The following MARK3 variants were observed in gnomAD, a reference collection of about 807,000 sequenced individuals.
MARK3 encodes the protein MAP/microtubule affinity-regulating kinase 3.
A neutral mutation model predicts 90.1 loss-of-function variants in MARK3; 46 were observed. The observed-to-expected ratio is 0.51, with a 90% CI of 0.40 to 0.65. The LOEUF (loss-of-function observed/expected upper bound fraction) is 0.65, where lower values mean the gene tolerates loss of function less well. Among genes scored for constraint, MARK3 ranks in the 30% least tolerant of loss-of-function variants. MARK3 has a pLI of 0.00. For missense variants in MARK3, 818 were observed against 947.2 expected (o/e 0.86, Z 1.79); for synonymous variants, 321 against 332.6 (o/e 0.97, Z 0.38).
intron 5 of MARK3, among the ~76,000 whole-genome samples, chr14:103,454,148 C>T (rs1168083940): frequency 1.3e-5 from 2 of 152,154 alleles, no homozygotes; most frequent in Non-Finnish European, 1.5e-5. Context: ...AGCTGAGCTT[C>T]ACGGTGAGCA....
At chr14:103,491,173 G>T in intron 14 of MARK3, 1 of 1,144,806 alleles carries the variant, frequency 8.7e-7, no homozygotes, top group South Asian at 1.6e-5. Flanking sequence ...TTGTGCTGTG[G>T]ATTTTATAGT....
intron 3 of MARK3, among the ~76,000 whole-genome samples, chr14:103,430,769 A>G (rs2092558833): frequency 6.6e-6 from 1 of 152,178 alleles, no homozygotes; most frequent in South Asian, 2.1e-4. Flanking sequence ...TATGTTTGCA[A>G]ATTGATATTA....
intron 2 of MARK3, among the ~76,000 whole-genome samples, chr14:103,407,121 C>T (rs930673812): frequency 6.6e-5 from 10 of 152,206 alleles, no homozygotes; most frequent in African/African-American, 1.9e-4. Context: ...TGAGCCACCA[C>T]GCCTGGCCCA....
intron 1 of MARK3, among the ~76,000 whole-genome samples, chr14:103,397,883 CTT>C (rs2090687077): frequency 6.6e-6 from 1 of 152,158 alleles, no homozygotes; most frequent in African/African-American, 2.4e-5. Flanking sequence ...AGACTATCTT[CTT>C]GTTTTATCTA....
intron 13 of MARK3, 97 bp from the exon 14 acceptor site, chr14:103,480,290 A>G (rs2093797756): frequency 2.6e-6 from 2 of 761,392 alleles, no homozygotes; most frequent in African/African-American, 3.5e-5. Flanking sequence ...ACAAGTAAAT[A>G]AAAGACTGAC....
rs750571491 is a variant in MARK3, at chr14:103,457,127, T to G, written c.413-15T>G. ...AAGTAGGATTTCTACTTACTTTTAT[T>G]TCTCTCACCTATAGGTGAAGTATTT... On this transcript the variant is annotated splice_polypyrimidine_tract_variant and intron_variant, in intron 5 of 17. Transcript: ENST00000429436. 4 of 1,523,148 alleles carry G rather than the reference T, an allele frequency of 2.6e-6. No homozygotes were observed. Among genetic ancestry groups the G allele is most frequent in the Non-Finnish European group, 3.6e-6 (4 of 1,103,384 alleles). The allele number at this position is 1,523,148 out of a possible 1,614,324, so 94.4% of individuals were successfully genotyped here. A position where few individuals can be genotyped will look rare whatever the true frequency, so the allele number is the denominator to read the frequency against.
intron 2 of MARK3, among the ~76,000 whole-genome samples, chr14:103,424,273 C>G (rs2092325545): frequency 1.3e-5 from 2 of 151,828 alleles, no homozygotes; most frequent in African/African-American, 4.8e-5. Context: ...TGGCTCATGC[C>G]TGTAATCCTA....
At chr14:103,401,234 A>T (rs563078148) in intron 1 of MARK3, among the ~76,000 whole-genome samples, 1 of 152,258 alleles carries the variant, frequency 6.6e-6, no homozygotes, top group South Asian at 2.1e-4. Flanking sequence ...TAATTCTTAA[A>T]TTTTTTAATT....
chr14:103,485,246 A>AAT (rs1393893629), intron 14 of MARK3, among the ~76,000 whole-genome samples: 1 of 137,780 alleles, frequency 7.3e-6, no homozygotes, highest in Non-Finnish European at 1.6e-5. Context: ...AAAAAAAAAA[A>AAT]GGCTGCTTTT....
intron 2 of MARK3, among the ~76,000 whole-genome samples, chr14:103,411,951 C>CTTT (rs56292310): frequency 0.011 from 1,569 of 143,214 alleles, 21 homozygotes; most frequent in Non-Finnish European, 0.015. Flanking sequence ...ATTTTCATAG[C>CTTT]TTTTTTTTTT....
intron 1 of MARK3, among the ~76,000 whole-genome samples, chr14:103,387,988 G>C (rs542524253): frequency 6.6e-6 from 1 of 152,066 alleles, no homozygotes; most frequent in Non-Finnish European, 1.5e-5. Flanking sequence ...CTGGAGTGCC[G>C]TGGCATGATC....
Position 103,429,957 on chromosome 14 carries a change from T to C in MARK3, c.297+1517T>C, listed in dbSNP as rs149672774. On this transcript the variant is annotated intron_variant, in intron 3 of 17. Transcript: ENST00000429436. ...GTTGGCTGCAGTTTTTCCTTCTTGTTTGCTTGCTTCCTTTAGTCATTTTTT... is the reference window on the plus strand; with the variant it reads ...GTTGGCTGCAGTTTTTCCTTCTTGTCTGCTTGCTTCCTTTAGTCATTTTTT... Among the ~76,000 whole-genome samples the C allele has an allele frequency of 9.3e-4, 142 of 152,326 alleles. 2 individuals carry two copies. Among genetic ancestry groups the C allele is most frequent in the African/African-American group, 3.4e-3 (140 of 41,586 alleles).
At position 103,391,709 on chromosome 14, in the gene MARK3, A is replaced by ATTT. The variant is rs71126012; in HGVS notation, c.51+5655_51+5657dup. On this transcript the variant is annotated intron_variant, in intron 1 of 17. Coordinates refer to ENST00000429436, the MANE Select transcript of MARK3 (RefSeq NM_001128918.3). ...CAGGCTCCCGCCACCATGCCTGGCT[A>ATTT]TTTTTTTTTTTTTTTTTTTTTTTTT... 1.2e-3 allele frequency among the ~76,000 whole-genome samples: 83 copies of ATTT among 69,690 alleles called. 15 individuals carry two copies. The highest frequency in any genetic ancestry group is 4.4e-3 in the African/African-American group (57 of 13,090). The allele number at this position is 69,690 out of a possible 152,430, so 45.7% of individuals were successfully genotyped here.
intron 7 of MARK3, among the ~76,000 whole-genome samples, chr14:103,463,852 G>C (rs1408108271): frequency 1.3e-5 from 2 of 152,062 alleles, no homozygotes; most frequent in East Asian, 3.9e-4. Context: ...AACTTCTCAA[G>C]TACAATCCTT....
chr14:103,484,993 G>A (rs1317330066), intron 14 of MARK3, among the ~76,000 whole-genome samples: 8 of 149,240 alleles, frequency 5.4e-5, no homozygotes, highest in South Asian at 2.1e-4. Flanking sequence ...TGAGGTGGGC[G>A]GATCACCTGA....
chr14:103,502,856 A>C, intron 17 of MARK3, 26 bp from the exon 18 acceptor site: 1 of 1,577,496 alleles, frequency 6.3e-7, no homozygotes, highest in Non-Finnish European at 8.6e-7. Context: ...TACGATTAAA[A>C]ATAAACCTGC....
intron 16 of MARK3, 92 bp downstream of exon 16, chr14:103,498,620 T>C (rs1167174145): frequency 3.3e-6 from 4 of 1,212,400 alleles, no homozygotes; most frequent in Non-Finnish European, 4.2e-6. Flanking sequence ...GCCCTGTTTT[T>C]TCCTTATAAA....
chr14:103,404,293 G>C (rs1211707594), intron 1 of MARK3, among the ~76,000 whole-genome samples: 1 of 152,196 alleles, frequency 6.6e-6, no homozygotes, highest in African/African-American at 2.4e-5. Flanking sequence ...GGCTGTGAGT[G>C]CATGTGGAAT....
chr14:103,465,889 T>G lies in MARK3; in HGVS notation c.778-83T>G. ...TTTAACATTATATCAGTGCGGGGGG[T>G]TTCAGGGGGTTTTTTGTTGTGTTTT... On this transcript the variant is annotated intron_variant, in intron 8 of 17. Coordinates refer to ENST00000429436, the MANE Select transcript of MARK3 (RefSeq NM_001128918.3). The G allele has an allele frequency of 1.9e-6, 3 of 1,555,394 alleles. No homozygotes were observed. The Admixed American group carries it at 5.7e-5, about 30-fold the overall frequency.
Sources: allele counts gnomAD v4.1 joint callset (sites outside exome capture counted in the v4.1 genomes callset), GRCh38; gene constraint gnomAD v4.1.1; transcripts MANE v1.5; gene names NCBI Gene and HGNC (gene_info 2026-07-23, HGNC 2026-07-21).